Variants in RNF130 observed in about 807,000 individuals in gnomAD.
RNF130 encodes the protein ring finger protein 130, also known as E3 ubiquitin-protein ligase RNF130.
RNF130 carries 21 observed loss-of-function variants against 44.6 expected under a neutral mutation model. The observed-to-expected ratio is 0.47, with a 90% CI of 0.33 to 0.68. The LOEUF is 0.68. Among genes scored for constraint, RNF130 ranks in the 30% least tolerant of loss-of-function variants. The probability of loss-of-function intolerance (pLI) is 0.02; values close to 1 mark genes in which losing one functional copy is unlikely to be tolerated. For missense variants in RNF130, 479 were observed against 560.6 expected (o/e 0.85, Z 1.47); for synonymous variants, 214 against 210.4 (o/e 1.02, Z -0.15).
At chr5:179,991,958 T>A (rs1763092545) in intron 3 of RNF130, among the ~76,000 whole-genome samples, 1 of 151,916 alleles carries the variant, frequency 6.6e-6, no homozygotes, top group African/African-American at 2.4e-5. Context: ...GGCTTCACAC[T>A]CCTATGAGAA....
intron 2 of RNF130, among the ~76,000 whole-genome samples, chr5:180,038,418 T>A (rs1244627478): frequency 2.7e-5 from 4 of 150,658 alleles, no homozygotes; most frequent in East Asian, 3.9e-4. Context: ...TTTGTTTTTT[T>A]TTTTATTTTG....
chr5:179,931,410 C>T (rs991474001), intron 7 of RNF130, among the ~76,000 whole-genome samples: 8 of 152,194 alleles, frequency 5.3e-5, no homozygotes, highest in Non-Finnish European at 1.0e-4. Context: ...TTAAGTGTAG[C>T]TTTTTTGTTT....
chr5:179,992,928 A>G (rs942719650), intron 3 of RNF130, among the ~76,000 whole-genome samples: 1 of 152,052 alleles, frequency 6.6e-6, no homozygotes, highest in Non-Finnish European at 1.5e-5. Context: ...CCTGTGTCCA[A>G]GTGTTCTCAT....
At position 180,071,591 on chromosome 5, in the gene RNF130, G is replaced by C; in HGVS notation, c.112C>G (p.Leu38Val). ...DNASQEYYTA[L>V]INVTVQEPGR... ...GGCTCCTGCACCGTCACGTTGATGA[G>C]CGCCGTGTAGTACTCCTGGCTCGCG... Residue 38 changes from leucine (L) to valine (V), a missense_variant, in exon 1 of 9, where the codon CTC becomes GTC. By Grantham distance (32) the Leu-to-Val change is conservative. Around this residue, in one of 3 missense-constraint regions of RNF130, gnomAD observed 138 missense variants for 126.9 expected, o/e 1.09. Transcript: ENST00000521389. 6.7e-7 allele frequency: 1 copy of C among 1,503,276 alleles called. No individual in the cohort carries two copies. The highest frequency in any genetic ancestry group is 8.9e-7 in the Non-Finnish European group (1 of 1,123,416). The allele number at this position is 1,503,276 out of a possible 1,614,324, so 93.1% of individuals were successfully genotyped here.
At chr5:179,982,873 G>C (rs1030322286) in intron 3 of RNF130, among the ~76,000 whole-genome samples, 1 of 152,086 alleles carries the variant, frequency 6.6e-6, no homozygotes, top group Non-Finnish European at 1.5e-5. Context: ...TGTGAGCCAC[G>C]GCACGCAGCC....
chr5:179,952,495 T>C (rs1762141452), downstream of RNF130, among the ~76,000 whole-genome samples: 1 of 152,198 alleles, frequency 6.6e-6, no homozygotes, highest in East Asian at 1.9e-4. Context: ...TCATAATTGT[T>C]TATATGATGC....
intron 7 of RNF130, among the ~76,000 whole-genome samples, chr5:179,931,013 GC>G: frequency 7.6e-6 from 1 of 130,886 alleles, no homozygotes; most frequent in Non-Finnish European, 1.5e-5. Flanking sequence ...AGCCTGGGCT[GC>G]AGACCAAACC....
chr5:180,020,924 G>A (rs1335791575), intron 2 of RNF130, among the ~76,000 whole-genome samples: 1 of 152,136 alleles, frequency 6.6e-6, no homozygotes, highest in African/African-American at 2.4e-5. Context: ...CCTCTCAACT[G>A]AGTAGTTCTG....
chr5:179,982,562 T>C (rs1334999985), intron 3 of RNF130, among the ~76,000 whole-genome samples: 1 of 125,642 alleles, frequency 8.0e-6, no homozygotes, highest in African/African-American at 3.6e-5. Context: ...TATGGTGAGA[T>C]TTTGTGTTTT....
chr5:180,060,101 A>G lies in RNF130; in HGVS notation c.247+11355T>C, dbSNP rs554183082. Among the ~76,000 whole-genome samples, 4 of 152,358 alleles carry G rather than the reference A, an allele frequency of 2.6e-5. No homozygotes were observed. In the South Asian group the frequency reaches 6.2e-4, roughly 24 times the overall value. On this transcript the variant is annotated intron_variant, in intron 1 of 8. Transcript: ENST00000521389. ...GGGCCAGGGAACACAGGCAGCTTCT[A>G]CAAGCTGAAAAAGGCAAGGAAATGA... is the stretch of plus-strand genomic sequence containing the variant.
chr5:179,993,233 A>C (rs1763130741), intron 3 of RNF130, among the ~76,000 whole-genome samples: 2 of 152,240 alleles, frequency 1.3e-5, no homozygotes, highest in Non-Finnish European at 2.9e-5. Context: ...CCTTTGGTAT[A>C]TACCCAGTAA....
At chr5:179,951,736 T>A (rs1762129691), downstream of RNF130, among the ~76,000 whole-genome samples, 1 of 152,100 alleles carries the variant, frequency 6.6e-6, no homozygotes, top group South Asian at 2.1e-4. Flanking sequence ...ATAACTGAAT[T>A]TAGAATGAAA....
intron 8 of RNF130, among the ~76,000 whole-genome samples, chr5:179,958,673 C>T (rs1488190915): frequency 1.3e-5 from 2 of 152,130 alleles, no homozygotes; most frequent in East Asian, 3.8e-4. Context: ...ACAATTTTAA[C>T]TACTACAAAG....
chr5:179,951,365 C>T (rs541234838), downstream of RNF130, among the ~76,000 whole-genome samples: 11 of 150,726 alleles, frequency 7.3e-5, 1 homozygote, highest in South Asian at 2.3e-3. Context: ...AACAGTCCAT[C>T]CAACAAGAGC....
At position 179,988,139 on chromosome 5, in the gene RNF130, G is replaced by A. The variant is rs1762996335; in HGVS notation, c.694-7939C>T. Among the ~76,000 whole-genome samples the A allele has an allele frequency of 2.6e-5, 4 of 152,174 alleles. No homozygotes were observed. The South Asian group carries it at 8.3e-4, about 31-fold the overall frequency. Reference sequence around the variant, plus strand: ...CATTACTATTTATTGTTCTGTTCATGTTTTCTATTTCTTCTTGGTTCAATG... The same window carrying A: ...CATTACTATTTATTGTTCTGTTCATATTTTCTATTTCTTCTTGGTTCAATG... On this transcript the variant is annotated intron_variant, in intron 3 of 8. Transcript: ENST00000521389.
At chr5:180,003,695 T>A (rs919571859) in intron 3 of RNF130, among the ~76,000 whole-genome samples, 26 of 152,258 alleles carry the variant, frequency 1.7e-4, no homozygotes, top group East Asian at 3.9e-4. Context: ...ACTATTTTTT[T>A]AAAATTTTTC....
chr5:179,986,966 T>C (rs1206097812), intron 3 of RNF130, among the ~76,000 whole-genome samples: 2 of 152,192 alleles, frequency 1.3e-5, no homozygotes. Flanking sequence ...TTGTTACTGG[T>C]GTACAGAAAT....
chr5:179,988,711 C>G (rs1313594141), intron 3 of RNF130, among the ~76,000 whole-genome samples: 2 of 152,010 alleles, frequency 1.3e-5, no homozygotes, highest in African/African-American at 4.8e-5. Context: ...TCCAAAGTTC[C>G]TCTGGTTATT....
At chr5:179,965,002 T>C (rs1380061145) in intron 7 of RNF130, among the ~76,000 whole-genome samples, 2 of 152,262 alleles carry the variant, frequency 1.3e-5, no homozygotes, top group African/African-American at 4.8e-5. Flanking sequence ...GTCATCATCA[T>C]CAAGGAACTT....
Sources: allele counts gnomAD v4.1 joint callset (sites outside exome capture counted in the v4.1 genomes callset), GRCh38; gene constraint gnomAD v4.1.1; regional missense constraint gnomAD v4.1.1; transcripts MANE v1.5; gene names NCBI Gene and HGNC (gene_info 2026-07-23, HGNC 2026-07-21).